CDK5RAP3: variants seen among roughly 807,000 people sequenced by gnomAD.
The protein encoded by CDK5RAP3 is CDK5 regulatory subunit associated protein 3.
Under a neutral mutation model 73.3 loss-of-function variants are expected in CDK5RAP3, and 58 were observed. The ratio of observed to expected loss-of-function variants is 0.79; its 90% CI spans 0.64 to 0.98. The LOEUF (loss-of-function observed/expected upper bound fraction) is 0.98, where lower values mean the gene tolerates loss of function less well. Ranked by LOEUF, CDK5RAP3 falls within the 50% of genes least tolerant of loss-of-function variation. The pLI, the probability that CDK5RAP3 is intolerant of heterozygous loss-of-function variation, is 0.00. For synonymous variants in CDK5RAP3, 224 were observed against 247.5 expected (o/e 0.91, Z 0.89); for missense variants, 525 against 615.8 (o/e 0.85, Z 1.56).
chr17:47,978,839 T>G lies in CDK5RAP3; in HGVS notation c.999T>G (p.Gly333=). The change falls in exon 11 of 14, where the codon GGT becomes GGG. Residue 333 remains glycine (G), a synonymous_variant. Coordinates refer to ENST00000338399, the MANE Select transcript of CDK5RAP3 (RefSeq NM_176096.3). ...VLEAGTQAPE[G]VARGPDALTL... is the part of the protein sequence containing the mutation. Reference sequence around the variant, plus strand: ...GTCTCTTCCTGGCAGCTCCAGAAGGTGTTGCCAGGGGCCCAGATGCCCTGA... The same window carrying G: ...GTCTCTTCCTGGCAGCTCCAGAAGGGGTTGCCAGGGGCCCAGATGCCCTGA... 1 of 1,613,396 alleles carries G rather than the reference T, an allele frequency of 6.2e-7. No individual in the cohort carries two copies. The highest frequency in any genetic ancestry group is 8.5e-7 in the Non-Finnish European group (1 of 1,179,410).
At chr17:47,975,700 C>T (rs2036392453) in intron 7 of CDK5RAP3, 47 bp downstream of exon 7, 1 of 1,571,694 alleles carries the variant, frequency 6.4e-7, no homozygotes, top group Non-Finnish European at 8.6e-7. Flanking sequence ...TGCCTGTGTT[C>T]CCCAGCTCAT....
chr17:47,980,478 G>T, intron 11 of CDK5RAP3, 115 bp from the exon 12 acceptor site: 2 of 862,646 alleles, frequency 2.3e-6, no homozygotes, highest in Non-Finnish European at 3.9e-6. Context: ...CGTTTCCCAG[G>T]CTGGTCTTGA....
intron 2 of CDK5RAP3, among the ~76,000 whole-genome samples, chr17:47,972,682 A>C (rs1416968897): frequency 6.7e-6 from 1 of 149,208 alleles, no homozygotes; most frequent in African/African-American, 2.5e-5. Flanking sequence ...TTTTTTTTGT[A>C]CCAGGTGCTG....
At chr17:47,970,741 C>G (rs1049541377), upstream of CDK5RAP3, 1 of 1,533,368 alleles carries the variant, frequency 6.5e-7, no homozygotes, top group Non-Finnish European at 8.7e-7. Flanking sequence ...CAACGGCCTC[C>G]CAGATCGGCG....
intron 8 of CDK5RAP3, 147 bp from the exon 9 acceptor site, chr17:47,976,565 T>C (rs1194359134): frequency 5.2e-6 from 3 of 574,566 alleles, no homozygotes; most frequent in African/African-American, 3.8e-5. Context: ...GATTTTGCCA[T>C]ATTGCCCAGG....
rs1375951745 is a variant in CDK5RAP3, at chr17:47,973,214, ATAT to A, written c.53-301_53-299del. ...GATATAATTACCCATAGAAGCAAAA[ATAT>A]TATGGGGAATTGAGAATGGTCAAAA... On this transcript the variant is annotated intron_variant, in intron 2 of 13. Transcript: ENST00000338399. Among the ~76,000 whole-genome samples, 5 of 152,188 alleles carry A rather than the reference ATAT, an allele frequency of 3.3e-5. No individual in the cohort carries two copies. The South Asian group carries it at 8.3e-4, about 25-fold the overall frequency.
rs976486770 is a variant in CDK5RAP3, at chr17:47,975,624, C to T, written c.624C>T (p.Tyr208=). Residue 208 remains tyrosine (Y), a synonymous_variant, in exon 7 of 14, where the codon TAC becomes TAT. Coordinates refer to ENST00000338399, the MANE Select transcript of CDK5RAP3 (RefSeq NM_176096.3). ...CCCTGGGGGAAGCCATTGACGTGTA[C>T]CAGGCGTCTGTGGGGTTTGTGTGTG... The part of the protein sequence containing the change: ...QQSLGEAIDV[Y]QASVGFVCES... 4 of 1,605,260 alleles carry T rather than the reference C, an allele frequency of 2.5e-6. No homozygotes were observed. Among genetic ancestry groups the T allele is most frequent in the Non-Finnish European group, 3.4e-6 (4 of 1,179,356 alleles).
At chr17:47,980,512 C>A in intron 11 of CDK5RAP3, 81 bp from the exon 12 acceptor site, 1 of 1,290,432 alleles carries the variant, frequency 7.7e-7, no homozygotes, top group Non-Finnish European at 1.1e-6. Flanking sequence ...AGCGATCCTC[C>A]TGCCTTGGCC....
At chr17:47,977,681 C>A in intron 9 of CDK5RAP3, 151 bp from the exon 10 acceptor site, 1 of 632,124 alleles carries the variant, frequency 1.6e-6, no homozygotes, top group Non-Finnish European at 2.8e-6. Flanking sequence ...ATGGGCCATA[C>A]TGCCATTTTT....
intron 6 of CDK5RAP3, 44 bp downstream of exon 6, chr17:47,975,381 C>T (rs752366442): frequency 6.2e-7 from 1 of 1,606,958 alleles, no homozygotes; most frequent in Non-Finnish European, 8.5e-7. Context: ...CACCTGGGCC[C>T]CTGCTTGTCT....
At chr17:47,981,080 C>T (rs990056429) in intron 12 of CDK5RAP3, 83 bp from the exon 13 acceptor site, 5 of 1,468,048 alleles carry the variant, frequency 3.4e-6, no homozygotes, top group African/African-American at 1.4e-5. Context: ...TTTGGTTTCC[C>T]GAGCCTCTCA....
chr17:47,971,241 G>A lies in CDK5RAP3; in HGVS notation c.6+89G>A, dbSNP rs1656632498. On this transcript the variant is annotated intron_variant, in intron 1 of 13. Coordinates refer to ENST00000338399, the MANE Select transcript of CDK5RAP3 (RefSeq NM_176096.3). ...CTCCCTCCGGAAGCGGCTCAACCCA[G>A]CCCATCGCTCTGGCCCCGTTCTGGC... 6 of 1,534,224 alleles carry A rather than the reference G, an allele frequency of 3.9e-6. No homozygotes were observed. The East Asian group carries it at 1.5e-4, about 38-fold the overall frequency.
chr17:47,969,400 C>CA (rs1167035552), upstream of CDK5RAP3, among the ~76,000 whole-genome samples: 5 of 151,440 alleles, frequency 3.3e-5, no homozygotes, highest in African/African-American at 7.3e-5. Context: ...ACTAAAAATA[C>CA]AAAAAAATTA....
intron 4 of CDK5RAP3, 47 bp from the exon 5 acceptor site, chr17:47,974,353 T>C: frequency 6.6e-7 from 1 of 1,505,350 alleles, no homozygotes. Flanking sequence ...GGGATGTGGC[T>C]GTCGAGTGCT....
upstream of CDK5RAP3, chr17:47,970,690 T>G (rs746601454): frequency 1.5e-5 from 23 of 1,535,634 alleles, no homozygotes; most frequent in Non-Finnish European, 2.0e-5. Flanking sequence ...TGCACACTGC[T>G]CTGGATGGTA....
At chr17:47,973,832 G>A in intron 3 of CDK5RAP3, 99 bp from the exon 4 acceptor site, 1 of 1,173,456 alleles carries the variant, frequency 8.5e-7, no homozygotes, top group Non-Finnish European at 1.3e-6. Context: ...ACACACTAAA[G>A]TTACTGGCAG....
chr17:47,970,489 C>A, upstream of CDK5RAP3: 3 of 641,414 alleles, frequency 4.7e-6, no homozygotes, highest in East Asian at 5.6e-5. Context: ...CCTAAAACTC[C>A]TCTTCCCACA....
chr17:47,975,587 CG>C lies in CDK5RAP3; in HGVS notation c.589del (p.Ala197LeufsTer78), dbSNP rs751383513. 1 of 1,609,540 alleles carries C rather than the reference CG, an allele frequency of 6.2e-7. No homozygotes were observed. Among genetic ancestry groups the C allele is most frequent in the South Asian group, 1.1e-5 (1 of 91,074 alleles). Reference sequence around the variant, plus strand: ...AGTCAGCTGGCTGAGATTGGGGCAGCGGCTCAGCAGTCCCTGGGGGAAGCCA... The same window carrying C: ...AGTCAGCTGGCTGAGATTGGGGCAGCGCTCAGCAGTCCCTGGGGGAAGCCA... ...LPSQLAEIGA[A>X]AQQSLGEAID... On this transcript the variant is annotated frameshift_variant, in exon 7 of 14. Transcript: ENST00000338399. LOFTEE classifies it high-confidence loss of function.
intron 12 of CDK5RAP3, 73 bp downstream of exon 12, chr17:47,980,871 C>A: frequency 6.8e-7 from 1 of 1,474,622 alleles, no homozygotes. Context: ...CCTCTTGTTC[C>A]ATGACCCCTT....
Sources: allele counts gnomAD v4.1 joint callset (sites outside exome capture counted in the v4.1 genomes callset), GRCh38; gene constraint gnomAD v4.1.1; transcripts MANE v1.5; gene names NCBI Gene and HGNC (gene_info 2026-07-23, HGNC 2026-07-21).